The following ZNF445 variants were observed in gnomAD, a reference collection of about 807,000 sequenced individuals.
ZNF445 encodes zinc finger protein 445, also known as zinc finger protein 168.
In ZNF445, 19 loss-of-function variants were observed where a neutral mutation model predicts 93.9. The observed-to-expected ratio is 0.20, with a 90% CI of 0.14 to 0.30. ZNF445 has a LOEUF of 0.30. ZNF445 is among the 10% of genes least tolerant of loss of function. ZNF445 has a pLI of 1.00. For missense variants in ZNF445, 1,058 were observed against 1,259.4 expected (o/e 0.84, Z 2.42); for synonymous variants, 449 against 446.3 (o/e 1.01, Z -0.08).
At chr3:44,473,160 C>T (rs575933504) in intron 1 of ZNF445, among the ~76,000 whole-genome samples, 1 of 152,200 alleles carries the variant, frequency 6.6e-6, no homozygotes, top group Non-Finnish European at 1.5e-5. Context: ...ATAATCACCA[C>T]TTAAGAAAAA....
At chr3:44,471,273 T>C (rs923512202) in intron 1 of ZNF445, among the ~76,000 whole-genome samples, 12 of 152,186 alleles carry the variant, frequency 7.9e-5, no homozygotes, top group Non-Finnish European at 1.2e-4. Flanking sequence ...CCAGACATTA[T>C]TGGTGGAAAA....
chr3:44,467,605 G>T (rs1386147266), intron 1 of ZNF445, among the ~76,000 whole-genome samples: 2 of 152,086 alleles, frequency 1.3e-5, no homozygotes, highest in African/African-American at 4.8e-5. Flanking sequence ...TCCACAGCTG[G>T]GCTCAGCTTT....
rs1697791170 is a variant in ZNF445 at position 44,440,550 on chromosome 3, A to G, written c.*6025T>C. 6.6e-6 allele frequency: 1 copy of G among 152,214 alleles called. No homozygotes were observed. The highest frequency in any genetic ancestry group is 6.5e-5 in the Admixed American group (1 of 15,284). 9.4% of individuals were successfully genotyped at this position (152,214 alleles called of 1,614,324 possible). ...TGGCCTGGTATTTCATCATAGATGT[A>G]CTAGAGTTACTTAAGCGTTCGTTTA... On this transcript the variant is annotated 3_prime_UTR_variant, in exon 8 of 8. Coordinates refer to ENST00000396077, the MANE Select transcript of ZNF445 (RefSeq NM_181489.6).
chr3:44,455,783 A>C (rs1698021818), intron 2 of ZNF445, 87 bp from the exon 3 acceptor site: 4 of 486,360 alleles, frequency 8.2e-6, no homozygotes, highest in Non-Finnish European at 1.4e-5. Context: ...TATATATAAG[A>C]AGAGCGTTTG....
rs377688809 is a variant in ZNF445, at chr3:44,451,476, C to G, written c.436G>C (p.Gly146Arg). The change falls in exon 4 of 8, where the codon GGC becomes CGC. Residue 146 changes from glycine (G) to arginine (R), a missense_variant. Transcript: ENST00000396077. ...TGCACATCTGGGCTCTGGGCAGGGC[C>G]CGGGTCCTGGCAAGAAGAAAATGTT... ...DLDGTSWRDP[G>R]PAQSPDVHWM... 1 of 1,601,430 alleles carries G rather than the reference C, an allele frequency of 6.2e-7. No homozygotes were observed. The highest frequency in any genetic ancestry group is 1.3e-5 in the African/African-American group (1 of 74,754).
At chr3:44,465,409 A>C (rs1380448276) in intron 1 of ZNF445, among the ~76,000 whole-genome samples, 2 of 152,160 alleles carry the variant, frequency 1.3e-5, no homozygotes, top group Non-Finnish European at 2.9e-5. Flanking sequence ...CTAAGATTTA[A>C]AAGAAATTAT....
intron 1 of ZNF445, among the ~76,000 whole-genome samples, chr3:44,466,337 T>A (rs1206559932): frequency 6.6e-6 from 1 of 152,202 alleles, no homozygotes; most frequent in Non-Finnish European, 1.5e-5. Flanking sequence ...CCTAATATTT[T>A]AGATATTAGG....
At chr3:44,463,041 G>A (rs1698141182) in intron 1 of ZNF445, among the ~76,000 whole-genome samples, 1 of 149,160 alleles carries the variant, frequency 6.7e-6, no homozygotes, top group Non-Finnish European at 1.5e-5. Flanking sequence ...GTGTGTGTGT[G>A]TGTGTGTGTG....
chr3:44,440,913 ATT>A lies in ZNF445; in HGVS notation c.*5660_*5661del, dbSNP rs148056387. On this transcript the variant is annotated 3_prime_UTR_variant, in exon 8 of 8. Transcript: ENST00000396077. ...TGTTACTTCCTGATGTTGCCATGGC[ATT>A]TTTTTTTTTTTTTTTTGAGACAGAG... The A allele has an allele frequency of 7.8e-3, 1,021 of 131,250 alleles. 9 individuals carry two copies. The highest frequency in any genetic ancestry group is 0.027 in the African/African-American group (968 of 35,470). 8.1% of individuals were successfully genotyped at this position (131,250 alleles called of 1,614,324 possible).
chr3:44,469,272 T>C (rs1698234287), intron 1 of ZNF445, among the ~76,000 whole-genome samples: 1 of 152,294 alleles, frequency 6.6e-6, no homozygotes, highest in Middle Eastern at 3.4e-3. Context: ...TGTTTACTTA[T>C]GGAGATGGAG....
At position 44,445,174 on chromosome 3, in the gene ZNF445, G is replaced by A. The variant is rs1181520725; in HGVS notation, c.*1401C>T. ...TATGTGAAGCTGAGAGGGGCCTGCA[G>A]TGTGCAGGGGCTAGAGACATGAACA... On this transcript the variant is annotated 3_prime_UTR_variant, in exon 8 of 8. Coordinates refer to ENST00000396077, the MANE Select transcript of ZNF445 (RefSeq NM_181489.6). 1 of 152,246 alleles carries A rather than the reference G, an allele frequency of 6.6e-6. No homozygotes were observed. The highest frequency in any genetic ancestry group is 1.5e-5 in the Non-Finnish European group (1 of 68,074). The allele number at this position is 152,246 out of a possible 1,614,324, so 9.4% of individuals were successfully genotyped here.
In ZNF445 at chr3:44,458,814, C is replaced by T. The variant is rs189717189; in HGVS notation, c.-268-450G>A. On this transcript the variant is annotated intron_variant, in intron 1 of 7. Transcript: ENST00000396077. ...CCGTAAATTCTCTGACCTATTGTATCGGATTGTAGGTCATAAGATGCCCAT... is the reference window on the plus strand; with the variant it reads ...CCGTAAATTCTCTGACCTATTGTATTGGATTGTAGGTCATAAGATGCCCAT... 2.4e-3 allele frequency among the ~76,000 whole-genome samples: 370 copies of T among 152,190 alleles called. 4 individuals carry two copies. Among genetic ancestry groups the T allele is most frequent in the African/African-American group, 8.6e-3 (356 of 41,504 alleles).
intron 3 of ZNF445, among the ~76,000 whole-genome samples, chr3:44,453,261 A>G (rs1251710483): frequency 1.3e-5 from 2 of 151,604 alleles, no homozygotes; most frequent in Non-Finnish European, 2.9e-5. Flanking sequence ...ATATATATGT[A>G]TATGTATGAA....
intron 3 of ZNF445, among the ~76,000 whole-genome samples, chr3:44,454,352 C>T (rs1346152491): frequency 1.3e-5 from 2 of 152,112 alleles, no homozygotes; most frequent in Admixed American, 6.6e-5. Flanking sequence ...CTTTACAGGG[C>T]TATGGTTAGT....
rs1697948997 is a variant in ZNF445 at position 44,450,981 on chromosome 3, T to A, written c.599-19A>T. 1.3e-6 allele frequency: 2 copies of A among 1,552,452 alleles called. No homozygotes were observed. The highest frequency in any genetic ancestry group is 1.7e-6 in the Non-Finnish European group (2 of 1,149,482). ...GGAGTATCTGAAGGAGAAAAAGCCA[T>A]GAGAGAGCGGCTCAGCTCTGGACAG... On this transcript the variant is annotated intron_variant, in intron 4 of 7. Transcript: ENST00000396077.
In ZNF445 at chr3:44,437,141, T is replaced by C. The variant is rs1245382370; in HGVS notation, c.*9434A>G. The C allele has an allele frequency of 6.6e-6, 1 of 152,186 alleles. No homozygotes were observed. The highest frequency in any genetic ancestry group is 1.9e-4 in the East Asian group (1 of 5,182). The allele number at this position is 152,186 out of a possible 1,614,324, so 9.4% of individuals were successfully genotyped here. A position where few individuals can be genotyped will look rare whatever the true frequency, so the allele number is the denominator to read the frequency against. On this transcript the variant is annotated 3_prime_UTR_variant, in exon 8 of 8. Transcript: ENST00000396077. ...ATTCATGCCTCCCCTCTCCAGGCCATATAGGGTAACTTCCTGATGTTGCCA... is the reference window on the plus strand; with the variant it reads ...ATTCATGCCTCCCCTCTCCAGGCCACATAGGGTAACTTCCTGATGTTGCCA...
chr3:44,476,485 A>G (rs1698357778), intron 1 of ZNF445, among the ~76,000 whole-genome samples: 1 of 152,076 alleles, frequency 6.6e-6, no homozygotes, highest in Non-Finnish European at 1.5e-5. Context: ...ACACACGCAG[A>G]CACACACACA....
Position 44,447,103 on chromosome 3 carries a change from T to C in ZNF445, c.2568A>G (p.Leu856=), listed in dbSNP as rs1009657883. 1 of 1,614,104 alleles carries C rather than the reference T, an allele frequency of 6.2e-7. No homozygotes were observed. The highest frequency in any genetic ancestry group is 8.5e-7 in the Non-Finnish European group (1 of 1,180,054). ...GKTFTRKRTL[L]DHKGIHSGEK... ...CTCCACTGTGTATTCCCTTATGATC[T>C]AAAAGGGTTCTTTTACGTGTAAAGG... The change falls in exon 8 of 8, where the codon TTA becomes TTG. Residue 856 remains leucine (L), a synonymous_variant. Coordinates refer to ENST00000396077, the MANE Select transcript of ZNF445 (RefSeq NM_181489.6). The surrounding 1 kb of genome is among the most constrained non-coding windows in gnomAD (Gnocchi z 4.7).
At chr3:44,470,304 C>T (rs4473595) in intron 1 of ZNF445, among the ~76,000 whole-genome samples, 1 of 152,132 alleles carries the variant, frequency 6.6e-6, no homozygotes, top group Admixed American at 6.6e-5. Context: ...AAAATATGTG[C>T]TAAGTTTGAA....
Sources: gnomAD v4.1 joint callset for allele counts (sites outside exome capture counted in the v4.1 genomes callset) on GRCh38, gnomAD v4.1.1 for gene constraint, Gnocchi (gnomAD v3.1) non-coding constraint, MANE v1.5 for transcripts, NCBI Gene and HGNC (gene_info 2026-07-23, HGNC 2026-07-21) for gene names.